The following LARGE1 variants were observed in gnomAD, a reference collection of about 807,000 sequenced individuals.
The protein encoded by LARGE1 is xylosyl- and glucuronyltransferase LARGE1.
In LARGE1, 43 loss-of-function variants were observed where a neutral mutation model predicts 87.6. The observed-to-expected ratio is 0.49, with a 90% CI of 0.38 to 0.63. LARGE1 has a LOEUF of 0.63. Among genes scored for constraint, LARGE1 ranks in the 30% least tolerant of loss-of-function variants. The pLI, the probability that LARGE1 is intolerant of heterozygous loss-of-function variation, is 0.00. For synonymous variants in LARGE1, 434 were observed against 394.6 expected (o/e 1.10, Z -1.18); for missense variants, 802 against 1,000.2 (o/e 0.80, Z 2.67).
intron 2 of LARGE1, 144 bp downstream of exon 2, chr22:33,761,227 C>T: frequency 1.3e-6 from 1 of 792,650 alleles, no homozygotes; most frequent in South Asian, 1.4e-5. Context: ...CTGCCAACTA[C>T]CTGTGTGATT....
At chr22:33,712,513 T>C (rs531513203) in intron 2 of LARGE1, among the ~76,000 whole-genome samples, 3 of 152,188 alleles carry the variant, frequency 2.0e-5, no homozygotes, top group Non-Finnish European at 4.4e-5. Context: ...CACTCCATCA[T>C]CAATGGAAAT....
intron 7 of LARGE1, among the ~76,000 whole-genome samples, chr22:33,401,967 C>G (rs1322215584): frequency 6.6e-6 from 1 of 152,200 alleles, no homozygotes; most frequent in African/African-American, 2.4e-5. Flanking sequence ...TTCAATCCTG[C>G]CCATTCACCC....
intron 1 of LARGE1, among the ~76,000 whole-genome samples, chr22:33,802,328 A>C (rs1203128120): frequency 6.6e-6 from 1 of 152,176 alleles, no homozygotes; most frequent in African/African-American, 2.4e-5. Context: ...CTTAGAGAAG[A>C]GCTCTTAGGC....
intron 2 of LARGE1, among the ~76,000 whole-genome samples, chr22:33,658,611 C>T (rs1261741291): frequency 6.6e-6 from 1 of 152,188 alleles, no homozygotes; most frequent in South Asian, 2.1e-4. Context: ...ATGCAAAGGA[C>T]ATTGTCTCAT....
At chr22:33,225,605 A>G (rs942640610) in intron 11 of LARGE1, among the ~76,000 whole-genome samples, 2 of 151,136 alleles carry the variant, frequency 1.3e-5, no homozygotes, top group Non-Finnish European at 3.0e-5. Context: ...GTACATGTGC[A>G]GGTTTGTTAT....
intron 2 of LARGE1, among the ~76,000 whole-genome samples, chr22:33,689,820 G>A (rs1169779172): frequency 1.3e-5 from 2 of 152,130 alleles, no homozygotes; most frequent in Admixed American, 6.5e-5. Flanking sequence ...CCAGCTACTC[G>A]GGAGGCTGAG....
At chr22:33,297,135 T>A (rs1165562095) in intron 12 of LARGE1, among the ~76,000 whole-genome samples, 1 of 152,212 alleles carries the variant, frequency 6.6e-6, no homozygotes, top group African/African-American at 2.4e-5. Flanking sequence ...CACCTCTACC[T>A]GGCTTTGTTC....
intron 1 of LARGE1, among the ~76,000 whole-genome samples, chr22:33,909,204 G>A (rs1450130695): frequency 6.6e-6 from 1 of 152,208 alleles, no homozygotes; most frequent in Non-Finnish European, 1.5e-5. Flanking sequence ...AGTGGGCAAT[G>A]AAAGCCATCT....
At chr22:33,619,248 TTAAAAG>T (rs2079668863) in intron 4 of LARGE1, among the ~76,000 whole-genome samples, 2 of 151,636 alleles carry the variant, frequency 1.3e-5, no homozygotes, top group South Asian at 2.1e-4. Context: ...AGAATGAAAA[TTAAAAG>T]TAAAAGTAAG....
chr22:33,514,227 C>CTG (rs1188990013), intron 6 of LARGE1, among the ~76,000 whole-genome samples: 1 of 151,598 alleles, frequency 6.6e-6, no homozygotes, highest in Non-Finnish European at 1.5e-5. Context: ...TGAGGGATGA[C>CTG]TGTGTGTGTA....
intron 12 of LARGE1, among the ~76,000 whole-genome samples, chr22:33,286,780 T>C (rs1931622673): frequency 1.3e-5 from 2 of 152,252 alleles, no homozygotes; most frequent in Admixed American, 6.5e-5. Context: ...TGGATGTTTG[T>C]ATCTATATAA....
In LARGE1 at chr22:33,503,867, C is replaced by T. The variant is rs556165299; in HGVS notation, c.787+60981G>A. Among the ~76,000 whole-genome samples, 4 of 152,216 alleles carry T rather than the reference C, an allele frequency of 2.6e-5. No homozygotes were observed. In the East Asian group the frequency reaches 7.7e-4, roughly 29 times the overall value. ...ACAAAACAAAAACCATGAGAACAAC[C>T]TACCTAAATGTCAGTCGAACCGATG... On this transcript the variant is annotated intron_variant, in intron 6 of 14. Transcript: ENST00000397394.
intron 2 of LARGE1, among the ~76,000 whole-genome samples, chr22:33,717,967 T>A (rs1005623849): frequency 1.3e-5 from 2 of 152,162 alleles, no homozygotes; most frequent in Non-Finnish European, 1.5e-5. Flanking sequence ...ATTCCTCCCA[T>A]CTCGGCTCTA....
intron 11 of LARGE1, among the ~76,000 whole-genome samples, chr22:33,207,067 C>T (rs1380056573): frequency 1.3e-5 from 2 of 152,168 alleles, no homozygotes; most frequent in Non-Finnish European, 2.9e-5. Context: ...GAAGCTAGTG[C>T]CCCAAAACGG....
Position 33,577,550 on chromosome 22 carries a change from C to T in LARGE1, c.616-12531G>A, listed in dbSNP as rs114836899. 5.6e-3 allele frequency among the ~76,000 whole-genome samples: 853 copies of T among 152,318 alleles called. 7 individuals are homozygous for T. Among genetic ancestry groups the T allele is most frequent in the African/African-American group, 0.019 (798 of 41,572 alleles). On this transcript the variant is annotated intron_variant, in intron 5 of 14. Coordinates refer to ENST00000397394, the MANE Select transcript of LARGE1 (RefSeq NM_133642.5). The stretch of plus-strand genomic sequence containing the variant: ...TCGCTCTCACAACCATACCTTCTTC[C>T]ACTCTTACCTCCGCCTTCCCATGGA...
In LARGE1 at chr22:33,607,461, C is replaced by CAAAAAA. The variant is rs1217376084; in HGVS notation, c.492-2909_492-2904dup. 6.1e-3 allele frequency among the ~76,000 whole-genome samples: 351 copies of CAAAAAA among 57,884 alleles called. 16 individuals carry two copies. The highest frequency in any genetic ancestry group is 0.014 in the East Asian group (27 of 1,978). The allele number at this position is 57,884 out of a possible 152,430, so 38.0% of individuals were successfully genotyped here. A position where few individuals can be genotyped will look rare whatever the true frequency, so the allele number is the denominator to read the frequency against. ...GGGCAACAAGAGCAAAACTGCATCT[C>CAAAAAA]AAAAAAAAAAAAAAAAAAAAAAAGT... is the stretch of plus-strand genomic sequence containing the variant. On this transcript the variant is annotated intron_variant, in intron 4 of 14. Coordinates refer to ENST00000397394, the MANE Select transcript of LARGE1 (RefSeq NM_133642.5).
chr22:33,388,765 C>T lies in LARGE1; in HGVS notation c.893-4461G>A, dbSNP rs2065414080. Among the ~76,000 whole-genome samples, 2 of 152,064 alleles carry T rather than the reference C, an allele frequency of 1.3e-5. 1 individual carries two copies. The highest frequency in any genetic ancestry group is 4.2e-4 in the South Asian group (2 of 4,814). On this transcript the variant is annotated intron_variant, in intron 7 of 14. Transcript: ENST00000397394. ...TATTTTTAATAGAGATGGGGTTTCG[C>T]CATGTTGGCCAGGCTGGTCTCAAAC...
chr22:33,247,047 ATGTGTGTGTGTGTGTGTGTGTGTGTG>A (rs10532057), intron 11 of LARGE1, among the ~76,000 whole-genome samples: 2 of 146,172 alleles, frequency 1.4e-5, no homozygotes, highest in African/African-American at 2.5e-5. Context: ...TGCAGCCAGT[ATGTGTGTGTGTGTGTGTGTGTGTGTG>A]TGTGTGTGTG....
intron 9 of LARGE1, among the ~76,000 whole-genome samples, chr22:33,348,958 G>C (rs1360750781): frequency 2.0e-5 from 3 of 152,234 alleles, no homozygotes; most frequent in Admixed American, 6.5e-5. Context: ...ATAAAGAGCA[G>C]TTTCCCTGCA....
Sources: allele counts gnomAD v4.1 joint callset (sites outside exome capture counted in the v4.1 genomes callset), GRCh38; gene constraint gnomAD v4.1.1; transcripts MANE v1.5; gene names NCBI Gene and HGNC (gene_info 2026-07-23, HGNC 2026-07-21).